The following PHYHIPL variants were observed in gnomAD, a reference collection of about 807,000 sequenced individuals.
The protein encoded by PHYHIPL is phytanoyl-CoA 2-hydroxylase interacting protein like, also known as phytanoyl-CoA hydroxylase-interacting protein-like.
A neutral mutation model predicts 33.4 loss-of-function variants in PHYHIPL; 9 were observed. The ratio of observed to expected loss-of-function variants is 0.27; its 90% CI spans 0.16 to 0.47. The LOEUF is 0.47. Among genes scored for constraint, PHYHIPL ranks in the 20% least tolerant of loss-of-function variants. The pLI is 0.99. For missense variants in PHYHIPL, 365 were observed against 460.7 expected (o/e 0.79, Z 1.90); for synonymous variants, 153 against 154.1 (o/e 0.99, Z 0.05).
At chr10:59,214,926 C>T (rs546508802) in intron 1 of PHYHIPL, among the ~76,000 whole-genome samples, 2 of 152,078 alleles carry the variant, frequency 1.3e-5, no homozygotes, top group East Asian at 3.9e-4. Flanking sequence ...ATACATAGAA[C>T]ATTCTAGATG....
At chr10:59,200,482 C>T (rs764338921) in intron 1 of PHYHIPL, among the ~76,000 whole-genome samples, 1 of 152,164 alleles carries the variant, frequency 6.6e-6, no homozygotes, top group Admixed American at 6.5e-5. Context: ...TGGATTTTTG[C>T]ATCGACGTTC....
At chr10:59,174,003 A>G (rs896005732), upstream of PHYHIPL, among the ~76,000 whole-genome samples, 1 of 133,464 alleles carries the variant, frequency 7.5e-6, no homozygotes, top group African/African-American at 2.9e-5. Flanking sequence ...AACAGTACAT[A>G]GAAACTTACA....
Position 59,176,889 on chromosome 10 carries a change from C to T in PHYHIPL, c.36C>T (p.Ser12=), listed in dbSNP as rs1838265679. The part of the protein sequence containing the change: ...EVPRLDHALN[S]PTSPCEEVIK... ...CGCGCCTGGATCATGCCCTCAACAG[C>T]CCCACCAGCCCCTGTGAGGAGGTGA... Residue 12 remains serine (S), a synonymous_variant, in exon 1 of 5, where the codon AGC becomes AGT. Transcript: ENST00000373880. The T allele has an allele frequency of 6.2e-7, 1 of 1,613,444 alleles. No homozygotes were observed. Among genetic ancestry groups the T allele is most frequent in the Admixed American group, 1.7e-5 (1 of 59,962 alleles).
chr10:59,234,980 T>A (rs2133286975), intron 2 of PHYHIPL, among the ~76,000 whole-genome samples: 1 of 151,978 alleles, frequency 6.6e-6, no homozygotes, highest in Non-Finnish European at 1.5e-5. Flanking sequence ...TTCTACAAAT[T>A]ACAGAATTGT....
chr10:59,243,961 A>C (rs540901317), intron 4 of PHYHIPL, among the ~76,000 whole-genome samples: 6 of 152,298 alleles, frequency 3.9e-5, no homozygotes, highest in Admixed American at 2.0e-4. Context: ...CAGCAGCAGC[A>C]GTAGTCAGAG....
chr10:59,238,704 C>T lies in PHYHIPL; in HGVS notation c.595C>T (p.Arg199Ter), dbSNP rs1840301567. 2 of 1,542,438 alleles carry T rather than the reference C, an allele frequency of 1.3e-6. No homozygotes were observed. The highest frequency in any genetic ancestry group is 1.8e-6 in the Non-Finnish European group (2 of 1,116,680). Residue 199 changes from arginine (R) to a stop codon, truncating the protein, a stop_gained and splice_region_variant, in exon 4 of 5, where the codon CGA becomes TGA. Coordinates refer to ENST00000373880, the MANE Select transcript of PHYHIPL (RefSeq NM_032439.4). LOFTEE classifies it high-confidence loss of function. ...GCACAAAGAATATTTTGACTATGTT[C>T]GGTAAGATTCAAAAATATATAGTGA... is the stretch of plus-strand genomic sequence containing the variant. ...NQHKEYFDYV[R>*]EHHGNAMQPS...
intron 1 of PHYHIPL, among the ~76,000 whole-genome samples, chr10:59,205,131 A>G (rs1839251307): frequency 6.6e-6 from 1 of 152,246 alleles, no homozygotes; most frequent in Non-Finnish European, 1.5e-5. Context: ...CTGGGATTAC[A>G]GGCATGAGCC....
At chr10:59,219,794 A>G (rs939880125) in intron 1 of PHYHIPL, among the ~76,000 whole-genome samples, 19 of 152,236 alleles carry the variant, frequency 1.2e-4, no homozygotes, top group African/African-American at 4.3e-4. Context: ...AATTTTCCCT[A>G]AGGCAGGTTT....
chr10:59,177,011 CG>C (rs1363474054), intron 1 of PHYHIPL, 52 bp downstream of exon 1: 2 of 1,523,508 alleles, frequency 1.3e-6, no homozygotes, highest in African/African-American at 2.7e-5. Context: ...GCCGAGGCGC[CG>C]GGGCCACTCT....
At chr10:59,230,929 G>A (rs1019279891) in intron 1 of PHYHIPL, among the ~76,000 whole-genome samples, 1 of 152,116 alleles carries the variant, frequency 6.6e-6, no homozygotes, top group Non-Finnish European at 1.5e-5. Context: ...GGGTTGTGGA[G>A]ACCAAAGTTT....
At chr10:59,238,915 G>A in intron 4 of PHYHIPL, 1 of 467,646 alleles carries the variant, frequency 2.1e-6, no homozygotes, top group Non-Finnish European at 3.9e-6. Context: ...ATAATCATTT[G>A]TGATACCAGT....
At chr10:59,226,068 A>G (rs1291538885) in intron 1 of PHYHIPL, among the ~76,000 whole-genome samples, 1 of 152,134 alleles carries the variant, frequency 6.6e-6, no homozygotes, top group African/African-American at 2.4e-5. Context: ...AATAAAATTC[A>G]AGATTGGGTT....
intron 1 of PHYHIPL, chr10:59,177,322 A>G: frequency 1.4e-6 from 1 of 717,396 alleles, no homozygotes; most frequent in Non-Finnish European, 2.2e-6. Context: ...TGAAGGGGAA[A>G]TGCCCTCGGG....
At chr10:59,222,446 A>C (rs1172360550) in intron 1 of PHYHIPL, among the ~76,000 whole-genome samples, 1 of 152,024 alleles carries the variant, frequency 6.6e-6, no homozygotes, top group Non-Finnish European at 1.5e-5. Context: ...GTGGAAAGAA[A>C]TAATACACCA....
intron 1 of PHYHIPL, among the ~76,000 whole-genome samples, chr10:59,214,507 C>A (rs180802609): frequency 1.3e-5 from 2 of 151,916 alleles, no homozygotes; most frequent in Middle Eastern, 3.4e-3. Context: ...TAATTATTGG[C>A]GGTTATGTTG....
intron 1 of PHYHIPL, among the ~76,000 whole-genome samples, chr10:59,188,178 T>C (rs1339582534): frequency 6.6e-6 from 1 of 152,206 alleles, no homozygotes; most frequent in Non-Finnish European, 1.5e-5. Flanking sequence ...TTTGTTCTCA[T>C]TGGTTTCAAA....
At chr10:59,229,440 G>A (rs886319029) in intron 1 of PHYHIPL, among the ~76,000 whole-genome samples, 1 of 151,990 alleles carries the variant, frequency 6.6e-6, no homozygotes. Flanking sequence ...GTTTAAAATC[G>A]ACTTTTTAAT....
intron 1 of PHYHIPL, among the ~76,000 whole-genome samples, chr10:59,184,621 G>C (rs1647487510): frequency 1.3e-5 from 2 of 151,728 alleles, no homozygotes; most frequent in South Asian, 4.2e-4. Flanking sequence ...ACGGAAACAG[G>C]CCCTAGTTTT....
intron 4 of PHYHIPL, among the ~76,000 whole-genome samples, chr10:59,240,206 A>T (rs1217523691): frequency 3.3e-5 from 5 of 152,014 alleles, no homozygotes; most frequent in African/African-American, 1.2e-4. Flanking sequence ...CATTCACCTA[A>T]TTTAGAGAGT....
Sources: allele counts gnomAD v4.1 joint callset (sites outside exome capture counted in the v4.1 genomes callset), GRCh38; gene constraint gnomAD v4.1.1; transcripts MANE v1.5; gene names NCBI Gene and HGNC (gene_info 2026-07-23, HGNC 2026-07-21).